Variants in MAST2 observed in about 807,000 individuals in gnomAD.
MAST2 encodes the protein microtubule-associated serine/threonine-protein kinase 2.
MAST2 carries 70 observed loss-of-function variants against 147.4 expected under a neutral mutation model. The ratio of observed to expected loss-of-function variants is 0.47; its 90% confidence interval spans 0.39 to 0.58. The LOEUF (loss-of-function observed/expected upper bound fraction) is 0.58. MAST2 is among the 20% of genes least tolerant of loss of function. The pLI, the probability that MAST2 is intolerant of heterozygous loss-of-function variation, is 0.00. For missense variants in MAST2, 2,080 were observed against 2,302.3 expected, an observed-to-expected ratio of 0.90 and a Z score of 1.98; for synonymous variants, 869 against 896.8, an observed-to-expected ratio of 0.97 and a Z score of 0.55.
intron 3 of MAST2, among the ~76,000 whole-genome samples, chr1:45,860,583 G>T (rs1019645423): frequency 6.6e-6 from 1 of 152,040 alleles, no homozygotes; most frequent in Non-Finnish European, 1.5e-5. Flanking sequence ...TGTAATCCCA[G>T]CACTTTGGGA....
In MAST2 at chr1:45,903,126, C is replaced by CTTTTTT. The variant is rs34621764; in HGVS notation, c.500+20747_500+20752dup. On this transcript the variant is annotated intron_variant, in intron 4 of 28. Transcript: ENST00000361297. ...AGCATTTAGCACTATAAATTTTTGT[C>CTTTTTT]TTTTTTTTTTTTTTTTTTTTTGGAG... Among the ~76,000 whole-genome samples, 783 of 79,300 alleles carry CTTTTTT rather than the reference C, an allele frequency of 9.9e-3. 50 individuals carry two copies. The highest frequency in any genetic ancestry group is 0.013 in the East Asian group (34 of 2,702). 52.0% of individuals were successfully genotyped at this position (79,300 alleles called of 152,430 possible). A position where few individuals can be genotyped will look rare whatever the true frequency, so the allele number is the denominator to read the frequency against.
chr1:45,811,381 C>T (rs1365921278), intron 1 of MAST2, among the ~76,000 whole-genome samples: 1 of 149,924 alleles, frequency 6.7e-6, no homozygotes, highest in African/African-American at 2.5e-5. Context: ...CTCTGTCGCC[C>T]AGACTCGAGT....
chr1:45,933,249 G>A (rs543153213), intron 4 of MAST2, among the ~76,000 whole-genome samples: 2 of 146,296 alleles, frequency 1.4e-5, no homozygotes, highest in African/African-American at 5.1e-5. Flanking sequence ...GGGGGGGTTG[G>A]GGGGGGCAAA....
chr1:45,987,592 G>A (rs912870885), intron 5 of MAST2, among the ~76,000 whole-genome samples: 9 of 151,906 alleles, frequency 5.9e-5, no homozygotes, highest in African/African-American at 1.7e-4. Context: ...AATTACAAAC[G>A]TTAGCCACTA....
Position 46,027,774 on chromosome 1 carries a change from G to A in MAST2, c.1963G>A (p.Gly655Arg). 3.1e-6 allele frequency: 5 copies of A among 1,614,118 alleles called. No individual in the cohort carries two copies. The highest frequency in any genetic ancestry group is 4.2e-6 in the Non-Finnish European group (5 of 1,179,994). ...SMGHIKLTDFGLSKIGLMSLT... is the reference protein window; with the variant it reads ...SMGHIKLTDFRLSKIGLMSLT... Reference sequence around the variant, plus strand: ...GGGGCACATCAAGCTCACGGACTTTGGACTGTCCAAAATTGGCCTCATGAG... The same window carrying A: ...GGGGCACATCAAGCTCACGGACTTTAGACTGTCCAAAATTGGCCTCATGAG... Residue 655 changes from glycine to arginine, a missense_variant, in exon 17 of 29, where the codon GGA (glycine) becomes AGA (arginine). By Grantham distance (125) the Gly-to-Arg change is moderately radical. This residue lies in a region of MAST2 where 209 missense variants were observed against 309.5 expected (regional missense o/e 0.68). Transcript: ENST00000361297.
In MAST2 at chr1:45,896,246, G is replaced by A. The variant is rs573381213; in HGVS notation, c.500+13851G>A. ...GGGTTTCACCATATTGGCCAGGCTAGTCTCGAACTCCTGACCTCAAGTGAT... is the reference window on the plus strand; with the variant it reads ...GGGTTTCACCATATTGGCCAGGCTAATCTCGAACTCCTGACCTCAAGTGAT... On this transcript the variant is annotated intron_variant, in intron 4 of 28. Transcript: ENST00000361297. Among the ~76,000 whole-genome samples the A allele has an allele frequency of 5.3e-5, 8 of 152,236 alleles. No homozygotes were observed. In the South Asian group the frequency reaches 1.7e-3, roughly 32 times the overall value.
chr1:45,853,871 T>A (rs1220957874), intron 3 of MAST2, among the ~76,000 whole-genome samples: 1 of 148,346 alleles, frequency 6.7e-6, no homozygotes, highest in Non-Finnish European at 1.5e-5. Context: ...TACAGTTTTA[T>A]TTTTTACATT....
At chr1:46,009,424 C>T (rs985974521) in intron 9 of MAST2, among the ~76,000 whole-genome samples, 2 of 152,220 alleles carry the variant, frequency 1.3e-5, no homozygotes, top group Non-Finnish European at 2.9e-5. Flanking sequence ...AAGATAGGCC[C>T]TGTTCCTGAC....
chr1:45,854,528 AT>A (rs1018987774), intron 3 of MAST2, among the ~76,000 whole-genome samples: 5 of 151,788 alleles, frequency 3.3e-5, no homozygotes, highest in Non-Finnish European at 5.9e-5. Flanking sequence ...GGTTTTAGTG[AT>A]TTTTTTTCTT....
In MAST2 at chr1:45,903,126, CTT is replaced by C. The variant is rs34621764; in HGVS notation, c.500+20751_500+20752del. 1.2e-3 allele frequency among the ~76,000 whole-genome samples: 94 copies of C among 79,322 alleles called. No individual in the cohort carries two copies. The East Asian group carries it at 0.017, about 14-fold the overall frequency. The allele number at this position is 79,322 out of a possible 152,430, so 52.0% of individuals were successfully genotyped here. ...AGCATTTAGCACTATAAATTTTTGT[CTT>C]TTTTTTTTTTTTTTTTTTTGGAGAC... On this transcript the variant is annotated intron_variant, in intron 4 of 28. Coordinates refer to ENST00000361297, the MANE Select transcript of MAST2 (RefSeq NM_015112.3).
intron 1 of MAST2, among the ~76,000 whole-genome samples, chr1:45,823,382 C>T (rs981894508): frequency 2.7e-5 from 4 of 149,766 alleles, no homozygotes; most frequent in South Asian, 2.1e-4. Context: ...GTTGCTCAGG[C>T]TGGAGTGCAG....
At chr1:45,951,199 T>A (rs1191135594) in intron 4 of MAST2, among the ~76,000 whole-genome samples, 1 of 152,124 alleles carries the variant, frequency 6.6e-6, no homozygotes, top group African/African-American at 2.4e-5. Context: ...CTAGCCTGGA[T>A]GACAGAGTGA....
At chr1:45,972,378 T>G (rs1643948245) in intron 5 of MAST2, among the ~76,000 whole-genome samples, 1 of 152,210 alleles carries the variant, frequency 6.6e-6, no homozygotes, top group South Asian at 2.1e-4. Flanking sequence ...GTTTACTCCA[T>G]ACCCAGAAGA....
chr1:46,022,214 A>G (rs1436210622), intron 12 of MAST2, 132 bp downstream of exon 12: 14 of 1,116,098 alleles, frequency 1.3e-5, no homozygotes, highest in Non-Finnish European at 2.6e-6. Context: ...TCAGGATTTT[A>G]GGAGATACCC....
intron 3 of MAST2, among the ~76,000 whole-genome samples, chr1:45,857,908 C>T (rs1448179762): frequency 7.2e-6 from 1 of 138,554 alleles, no homozygotes; most frequent in Non-Finnish European, 1.5e-5. Flanking sequence ...TGATGGTTTC[C>T]AGCTTCATCC....
intron 5 of MAST2, among the ~76,000 whole-genome samples, chr1:45,985,466 C>T (rs1644576959): frequency 6.6e-6 from 1 of 152,240 alleles, no homozygotes; most frequent in African/African-American, 2.4e-5. Context: ...CTGTCATCTC[C>T]TAAAGTTTCC....
chr1:45,889,929 T>A (rs1241908040), intron 4 of MAST2, among the ~76,000 whole-genome samples: 1 of 152,082 alleles, frequency 6.6e-6, no homozygotes, highest in Non-Finnish European at 1.5e-5. Context: ...AATTTTTATA[T>A]TTTTAGGGTT....
intron 4 of MAST2, among the ~76,000 whole-genome samples, chr1:45,906,076 C>A (rs779399521): frequency 6.6e-6 from 1 of 151,790 alleles, no homozygotes; most frequent in Non-Finnish European, 1.5e-5. Context: ...TCCTTATTTG[C>A]CATTTGTGAA....
Position 45,992,134 on chromosome 1 carries a change from C to T in MAST2, c.593-5590C>T, listed in dbSNP as rs117466973. Among the ~76,000 whole-genome samples, 122 of 152,070 alleles carry T rather than the reference C, an allele frequency of 8.0e-4. 1 individual carries two copies. The East Asian group carries it at 0.017, about 21-fold the overall frequency. ...TTCCTGTTCTTGGAGAAAAAATACC[C>T]GGATTCTCCCCATGAAGTATTATGT... On this transcript the variant is annotated intron_variant, in intron 5 of 28. Transcript: ENST00000361297.
Sources: gnomAD v4.1 joint callset for allele counts (sites outside exome capture counted in the v4.1 genomes callset) on GRCh38, gnomAD v4.1.1 for gene constraint, gnomAD v4.1.1 regional missense constraint, MANE v1.5 for transcripts, NCBI Gene and HGNC (gene_info 2026-07-23, HGNC 2026-07-21) for gene names.